GRID1: variants seen among roughly 807,000 people sequenced by gnomAD.
GRID1 encodes the protein glutamate ionotropic receptor delta type subunit 1.
In GRID1, 28 loss-of-function variants were observed where a neutral mutation model predicts 98.0. That is an observed-to-expected ratio of 0.29 (90% CI 0.21 to 0.39). GRID1 has a LOEUF of 0.39. Ranked by LOEUF, GRID1 falls within the 10% of genes least tolerant of loss-of-function variation. The pLI is 1.00. For synonymous variants in GRID1, 553 were observed against 538.5 expected, an observed-to-expected ratio of 1.03 and a Z score of -0.37; for missense variants, 1,111 against 1,340.5, an observed-to-expected ratio of 0.83 and a Z score of 2.67.
chr10:85,792,893 C>A (rs1842493592), intron 8 of GRID1, among the ~76,000 whole-genome samples: 1 of 152,178 alleles, frequency 6.6e-6, no homozygotes, highest in Non-Finnish European at 1.5e-5. Flanking sequence ...TCAGCAGGAG[C>A]ACTTGCCTGT....
chr10:85,774,169 C>T lies in GRID1; in HGVS notation c.1234-44555G>A, dbSNP rs1443207611. The stretch of plus-strand genomic sequence containing the variant: ...AGAACAGAGCCCTCAGAAATAACGC[C>T]GCATATCTACAACTATCTGATCTTT... On this transcript the variant is annotated intron_variant, in intron 8 of 15. Coordinates refer to ENST00000327946, the MANE Select transcript of GRID1 (RefSeq NM_017551.3). 8.5e-5 allele frequency among the ~76,000 whole-genome samples: 13 copies of T among 152,178 alleles called. No individual in the cohort carries two copies. In the South Asian group the frequency reaches 1.0e-3, roughly 12 times the overall value.
chr10:86,117,298 C>G (rs1446065473), intron 4 of GRID1, among the ~76,000 whole-genome samples: 1 of 151,494 alleles, frequency 6.6e-6, no homozygotes, highest in Non-Finnish European at 1.5e-5. Context: ...ACCACCATCA[C>G]CACCATCATC....
chr10:85,693,148 T>G (rs977962513), intron 12 of GRID1, among the ~76,000 whole-genome samples: 1 of 150,390 alleles, frequency 6.6e-6, no homozygotes, highest in Admixed American at 6.6e-5. Context: ...ATCAAGATAA[T>G]AAACTAAGTA....
chr10:85,856,226 G>A (rs375215219), intron 6 of GRID1, 36 bp from the exon 7 acceptor site: 3 of 1,599,772 alleles, frequency 1.9e-6, no homozygotes, highest in South Asian at 2.2e-5. Flanking sequence ...CTTTCCACAG[G>A]TGCATTTCTA....
chr10:85,836,096 A>T (rs1842909539), intron 8 of GRID1, among the ~76,000 whole-genome samples: 1 of 152,178 alleles, frequency 6.6e-6, no homozygotes. Flanking sequence ...AAATGTCTCA[A>T]ATAATCTAAG....
intron 3 of GRID1, among the ~76,000 whole-genome samples, chr10:86,161,528 G>T (rs1845323685): frequency 6.6e-6 from 1 of 152,186 alleles, no homozygotes; most frequent in South Asian, 2.1e-4. Flanking sequence ...AGAACAGTGA[G>T]GCTCAGTGAG....
chr10:86,157,818 G>A (rs1845267113), intron 3 of GRID1, among the ~76,000 whole-genome samples: 1 of 152,176 alleles, frequency 6.6e-6, no homozygotes, highest in Non-Finnish European at 1.5e-5. Flanking sequence ...GTCAGTGAAG[G>A]TGTTGTCAGC....
chr10:85,767,607 G>A (rs182367851), intron 8 of GRID1, among the ~76,000 whole-genome samples: 168 of 152,308 alleles, frequency 1.1e-3, no homozygotes, highest in Non-Finnish European at 5.7e-4. Flanking sequence ...ATGGGCAAGA[G>A]TCACTGGGTC....
At chr10:86,143,029 C>A (rs1209453676) in intron 3 of GRID1, among the ~76,000 whole-genome samples, 2 of 152,190 alleles carry the variant, frequency 1.3e-5, no homozygotes, top group Non-Finnish European at 2.9e-5. Context: ...TTCCAGCAGC[C>A]CCTAATGGGA....
intron 5 of GRID1, among the ~76,000 whole-genome samples, chr10:85,872,989 A>T (rs1482021572): frequency 6.6e-6 from 1 of 152,224 alleles, no homozygotes; most frequent in Admixed American, 6.5e-5. Flanking sequence ...TAAAAAGGTC[A>T]CTTTTCTCCT....
intron 10 of GRID1, among the ~76,000 whole-genome samples, chr10:85,725,670 T>C (rs911177677): frequency 1.3e-5 from 2 of 152,190 alleles, no homozygotes; most frequent in African/African-American, 4.8e-5. Flanking sequence ...TAGTTTCTTT[T>C]AGAATGACCA....
At chr10:86,326,441 A>T (rs1470726247) in intron 2 of GRID1, among the ~76,000 whole-genome samples, 1 of 152,224 alleles carries the variant, frequency 6.6e-6, no homozygotes, top group Non-Finnish European at 1.5e-5. Flanking sequence ...TTACCTAATC[A>T]AATGTATGAA....
chr10:85,646,699 A>T (rs1843197499), intron 13 of GRID1: 1 of 164,236 alleles, frequency 6.1e-6, no homozygotes, highest in Admixed American at 5.8e-5. Flanking sequence ...CCCATCTCTG[A>T]GGTACAACTC....
At chr10:85,924,772 C>G (rs1841752004) in intron 4 of GRID1, among the ~76,000 whole-genome samples, 1 of 152,202 alleles carries the variant, frequency 6.6e-6, no homozygotes, top group Admixed American at 6.5e-5. Flanking sequence ...TGAACAATTT[C>G]TAGTAAATCA....
chr10:86,309,587 T>C (rs1847804942), intron 2 of GRID1, among the ~76,000 whole-genome samples: 2 of 152,190 alleles, frequency 1.3e-5, no homozygotes, highest in South Asian at 4.1e-4. Flanking sequence ...GGCAGCATCC[T>C]GTCCTGGCAG....
intron 2 of GRID1, among the ~76,000 whole-genome samples, chr10:86,333,967 G>C (rs549933359): frequency 2.2e-4 from 33 of 152,220 alleles, no homozygotes; most frequent in Non-Finnish European, 3.1e-4. Context: ...ATGAATAAAT[G>C]AATCAACCCA....
At chr10:86,012,105 G>A (rs184025032) in intron 4 of GRID1, among the ~76,000 whole-genome samples, 1 of 152,254 alleles carries the variant, frequency 6.6e-6, no homozygotes, top group Admixed American at 6.5e-5. Flanking sequence ...CTGGGCAACA[G>A]AGAGGGACTC....
chr10:85,684,797 G>A (rs1841250164), intron 12 of GRID1, among the ~76,000 whole-genome samples: 3 of 152,166 alleles, frequency 2.0e-5, no homozygotes, highest in Admixed American at 2.0e-4. Flanking sequence ...CCAAGATCAG[G>A]GTGCTAGCCT....
At chr10:85,666,594 C>G (rs1187528247) in intron 12 of GRID1, among the ~76,000 whole-genome samples, 1 of 152,180 alleles carries the variant, frequency 6.6e-6, no homozygotes. Context: ...GCTCATTTTA[C>G]ACTTTTATTT....
Sources: gnomAD v4.1 joint callset for allele counts (sites outside exome capture counted in the v4.1 genomes callset) on GRCh38, gnomAD v4.1.1 for gene constraint, MANE v1.5 for transcripts, NCBI Gene and HGNC (gene_info 2026-07-23, HGNC 2026-07-21) for gene names.